The following BANK1 variants were observed in gnomAD, a reference collection of about 807,000 sequenced individuals.
BANK1 encodes the protein B-cell scaffold protein with ankyrin repeats.
BANK1 carries 95 observed loss-of-function variants against 94.5 expected under a neutral mutation model. The observed-to-expected ratio is 1.00, with a 90% CI of 0.85 to 1.19. The LOEUF is 1.19. Among genes scored for constraint, BANK1 ranks in the 50% most tolerant of loss-of-function variants. BANK1 has a pLI of 0.00. For synonymous variants in BANK1, 334 were observed against 308.4 expected, an observed-to-expected ratio of 1.08 and a Z score of -0.87; for missense variants, 987 against 932.2, an observed-to-expected ratio of 1.06 and a Z score of -0.77.
In BANK1 at chr4:101,986,996, G is replaced by GA. The variant is rs34108717; in HGVS notation, c.1207-34507dup. Among the ~76,000 whole-genome samples, 40 of 131,210 alleles carry GA rather than the reference G, an allele frequency of 3.0e-4. No individual in the cohort carries two copies. The Middle Eastern group carries it at 0.011, about 36-fold the overall frequency. 86.1% of individuals were successfully genotyped at this position (131,210 alleles called of 152,430 possible). ...CTCAACTTGTCTAGAAAGAACAAAA[G>GA]AAAAAAAAAAAGGAAAGAAAAGCTA... is the stretch of plus-strand genomic sequence containing the variant. On this transcript the variant is annotated intron_variant, in intron 7 of 16. Coordinates refer to ENST00000322953, the MANE Select transcript of BANK1 (RefSeq NM_017935.5).
chr4:101,957,504 G>C (rs899891744), intron 7 of BANK1, among the ~76,000 whole-genome samples: 2 of 152,154 alleles, frequency 1.3e-5, no homozygotes, highest in African/African-American at 4.8e-5. Context: ...AGTCCACAAA[G>C]ACTCACAAGC....
At chr4:101,902,373 G>A (rs1361544219) in intron 6 of BANK1, among the ~76,000 whole-genome samples, 1 of 152,096 alleles carries the variant, frequency 6.6e-6, no homozygotes, top group African/African-American at 2.4e-5. Context: ...TTCTAAAAAT[G>A]CTATTAAGGT....
At chr4:101,886,061 GTA>G (rs1407554974) in intron 5 of BANK1, among the ~76,000 whole-genome samples, 2 of 152,188 alleles carry the variant, frequency 1.3e-5, no homozygotes, top group Non-Finnish European at 2.9e-5. Flanking sequence ...GACCACTGTT[GTA>G]TATGAGGTCT....
chr4:101,871,066 G>T (rs1295352154), intron 5 of BANK1, among the ~76,000 whole-genome samples: 1 of 152,084 alleles, frequency 6.6e-6, no homozygotes, highest in African/African-American at 2.4e-5. Flanking sequence ...CACCAAAAAG[G>T]GAACGTGTGG....
At chr4:102,015,976 T>C (rs1726686061) in intron 7 of BANK1, among the ~76,000 whole-genome samples, 1 of 152,184 alleles carries the variant, frequency 6.6e-6, no homozygotes, top group African/African-American at 2.4e-5. Flanking sequence ...CCAACATATC[T>C]TCACACTCAA....
chr4:101,967,140 G>T (rs1379010871), intron 7 of BANK1, among the ~76,000 whole-genome samples: 1 of 152,058 alleles, frequency 6.6e-6, no homozygotes, highest in Non-Finnish European at 1.5e-5. Flanking sequence ...GCCATCAAAG[G>T]GGTCGCAGTT....
chr4:101,843,995 T>C (rs911683371), intron 2 of BANK1, among the ~76,000 whole-genome samples: 1 of 152,204 alleles, frequency 6.6e-6, no homozygotes, highest in African/African-American at 2.4e-5. Flanking sequence ...GGAATACATA[T>C]ATTCCCCTTT....
In BANK1 at chr4:101,919,621, G is replaced by A. The variant is rs534215897; in HGVS notation, c.1206+1432G>A. The stretch of plus-strand genomic sequence containing the variant: ...AGGTGACAATCACTTTTTCGTAGTC[G>A]CTGCATTCTAATTTTACAGTTATAC... On this transcript the variant is annotated intron_variant, in intron 7 of 16. Transcript: ENST00000322953. 1.4e-4 allele frequency among the ~76,000 whole-genome samples: 22 copies of A among 151,858 alleles called. No individual in the cohort carries two copies. In the South Asian group the frequency reaches 4.4e-3, roughly 30 times the overall value.
chr4:101,950,179 A>T (rs1415050333), intron 7 of BANK1, among the ~76,000 whole-genome samples: 3 of 152,138 alleles, frequency 2.0e-5, no homozygotes, highest in East Asian at 3.9e-4. Flanking sequence ...TAGCTGAAGG[A>T]TATGACTGGC....
intron 3 of BANK1, among the ~76,000 whole-genome samples, chr4:101,857,267 T>G (rs1046016114): frequency 3.3e-5 from 5 of 152,220 alleles, no homozygotes; most frequent in Non-Finnish European, 7.3e-5. Context: ...TTCCTTAAGA[T>G]GTGCCTGATT....
chr4:101,792,001 A>G (rs774970773), intron 1 of BANK1, among the ~76,000 whole-genome samples: 1 of 152,202 alleles, frequency 6.6e-6, no homozygotes, highest in Admixed American at 6.5e-5. Context: ...GCTAGCATCT[A>G]TAAATAAACC....
intron 7 of BANK1, among the ~76,000 whole-genome samples, chr4:101,973,569 A>G (rs1208052504): frequency 2.0e-5 from 3 of 152,032 alleles, no homozygotes; most frequent in African/African-American, 7.2e-5. Flanking sequence ...TAAATAAACT[A>G]TTTTATGATG....
chr4:101,888,125 A>G (rs1415508003), intron 5 of BANK1, among the ~76,000 whole-genome samples: 2 of 152,222 alleles, frequency 1.3e-5, no homozygotes, highest in African/African-American at 2.4e-5. Context: ...GTGAAACTTA[A>G]ACAAGCACAG....
At chr4:101,889,470 C>T (rs1313830249) in intron 5 of BANK1, among the ~76,000 whole-genome samples, 5 of 151,272 alleles carry the variant, frequency 3.3e-5, no homozygotes, top group African/African-American at 7.3e-5. Context: ...CGGTGGCGGG[C>T]GCCTGTAGTC....
chr4:101,822,285 G>C (rs775429552), intron 1 of BANK1, among the ~76,000 whole-genome samples: 1 of 151,808 alleles, frequency 6.6e-6, no homozygotes, highest in Non-Finnish European at 1.5e-5. Flanking sequence ...TGGGACGATC[G>C]CTTAAGCCTG....
chr4:101,793,093 TA>T (rs1725051061), intron 1 of BANK1, among the ~76,000 whole-genome samples: 2 of 152,198 alleles, frequency 1.3e-5, no homozygotes, highest in Non-Finnish European at 2.9e-5. Context: ...TTATTGATAT[TA>T]TTGGATGCAT....
chr4:101,998,662 TA>T (rs1255321154), intron 7 of BANK1, among the ~76,000 whole-genome samples: 1 of 152,182 alleles, frequency 6.6e-6, no homozygotes, highest in African/African-American at 2.4e-5. Flanking sequence ...CCTTTACCAT[TA>T]TATAGTGCCC....
In BANK1 at chr4:102,007,069, T is replaced by TATATATATATA. The variant is rs1491292331; in HGVS notation, c.1207-14443_1207-14433dup. Among the ~76,000 whole-genome samples, 128 of 97,368 alleles carry TATATATATATA rather than the reference T, an allele frequency of 1.3e-3. 3 individuals are homozygous for TATATATATATA. The highest frequency in any genetic ancestry group is 4.4e-3 in the African/African-American group (127 of 28,792). The allele number at this position is 97,368 out of a possible 152,430, so 63.9% of individuals were successfully genotyped here. On this transcript the variant is annotated intron_variant, in intron 7 of 16. Transcript: ENST00000322953. The stretch of plus-strand genomic sequence containing the variant: ...TATATATATATAAAATATATAATTT[T>TATATATATATA]ATATATATATAAATATATATATAAT...
intron 7 of BANK1, among the ~76,000 whole-genome samples, chr4:101,924,342 A>T (rs1279353088): frequency 1.8e-5 from 1 of 55,488 alleles, no homozygotes; most frequent in African/African-American, 4.0e-5. Context: ...AGGAATAACT[A>T]TTCTCAGATG....
Sources: allele counts gnomAD v4.1 joint callset (sites outside exome capture counted in the v4.1 genomes callset), GRCh38; gene constraint gnomAD v4.1.1; transcripts MANE v1.5; gene names NCBI Gene and HGNC (gene_info 2026-07-23, HGNC 2026-07-21).